Variants in DDX19B observed in about 807,000 individuals in gnomAD.
DDX19B encodes the protein DEAD-box helicase 19B, also known as ATP-dependent RNA helicase DDX19B.
In DDX19B, 27 loss-of-function variants were observed where a neutral mutation model predicts 58.1. The ratio of observed to expected loss-of-function variants is 0.46; its 90% CI spans 0.34 to 0.64. The LOEUF (loss-of-function observed/expected upper bound fraction) is 0.64. Ranked by LOEUF, DDX19B falls within the 30% of genes least tolerant of loss-of-function variation. The probability of loss-of-function intolerance (pLI) is 0.01; values close to 1 mark genes in which losing one functional copy is unlikely to be tolerated. For missense variants in DDX19B, 399 were observed against 596.5 expected (o/e 0.67, Z 3.45); for synonymous variants, 187 against 214.4 (o/e 0.87, Z 1.12).
intron 1 of DDX19B, 22 bp from the exon 2 acceptor site, chr16:70,312,587 C>T: frequency 6.2e-7 from 1 of 1,610,248 alleles, no homozygotes; most frequent in Non-Finnish European, 8.5e-7. Context: ...CACTTTCCCC[C>T]TCCCCCATAT....
intron 1 of DDX19B, among the ~76,000 whole-genome samples, chr16:70,312,224 CTT>C (rs560319281): frequency 6.1e-4 from 93 of 152,184 alleles, no homozygotes; most frequent in African/African-American, 1.3e-3. Context: ...TAAATTTCCT[CTT>C]GTTTGAAATA....
At chr16:70,328,725 ATGCTAGATC>A in intron 7 of DDX19B, among the ~76,000 whole-genome samples, 2 of 152,162 alleles carry the variant, frequency 1.3e-5, no homozygotes, top group Middle Eastern at 6.8e-3. Context: ...GTGCTATCAA[ATGCTAGATC>A]TTACTTATTT....
At chr16:70,295,540 C>T (rs1447205313), upstream of DDX19B, among the ~76,000 whole-genome samples, 2 of 151,688 alleles carry the variant, frequency 1.3e-5, no homozygotes, top group South Asian at 2.1e-4. Flanking sequence ...ATGCTAAAAT[C>T]GTGTACGGGA....
intron 3 of DDX19B, among the ~76,000 whole-genome samples, chr16:70,315,365 C>T (rs139630955): frequency 0.013 from 1,794 of 135,076 alleles, 30 homozygotes; most frequent in African/African-American, 0.047. Flanking sequence ...CTAGCCTGGG[C>T]GAAAGAGCGA....
rs1312774574 is a variant in DDX19B at position 70,312,621 on chromosome 16, C to T, written c.70C>T (p.His24Tyr). 5.6e-6 allele frequency: 9 copies of T among 1,613,084 alleles called. No homozygotes were observed. The highest frequency in any genetic ancestry group is 7.6e-6 in the Non-Finnish European group (9 of 1,179,406). ...ATTCTCCATTTAGTTGAGCAACTTGCATCTTAAGGAAGAGAAAATCAAACC... is the reference window on the plus strand; with the variant it reads ...ATTCTCCATTTAGTTGAGCAACTTGTATCTTAAGGAAGAGAAAATCAAACC... The part of the protein sequence containing the change: ...EAAAESLSNL[H>Y]LKEEKIKPDT... Residue 24 changes from histidine (H) to tyrosine (Y), a missense_variant, in exon 2 of 12, where the codon CAT becomes TAT. By Grantham distance (83) the His-to-Tyr change is moderately conservative (BLOSUM62 2). Transcript: ENST00000288071.
At chr16:70,317,620 T>C (rs1468027090) in intron 5 of DDX19B, 32 bp downstream of exon 5, 2 of 1,574,500 alleles carry the variant, frequency 1.3e-6, no homozygotes, top group South Asian at 1.1e-5. Flanking sequence ...CATTTCATTT[T>C]AGATTTTCTA....
chr16:70,331,810 A>G lies in DDX19B; in HGVS notation c.1112A>G (p.Gln371Arg). 1 of 1,614,204 alleles carries G rather than the reference A, an allele frequency of 6.2e-7. No individual in the cohort carries two copies. The highest frequency in any genetic ancestry group is 1.1e-5 in the South Asian group (1 of 91,086). Reference protein sequence around the residue: ...ALLSGEMMVEQRAAVIERFRE... With the variant: ...ALLSGEMMVERRAAVIERFRE... ...CTGAGTGGGGAGATGATGGTGGAAC[A>G]GAGGGCTGCAGTGATTGAGCGCTTC... Residue 371 changes from glutamine to arginine, a missense_variant, in exon 10 of 12, where the codon CAG becomes CGG. By Grantham distance (43) the Gln-to-Arg change is conservative. This residue lies in a region of DDX19B where 198 missense variants were observed against 345.9 expected (regional missense o/e 0.57). Coordinates refer to ENST00000288071, the MANE Select transcript of DDX19B (RefSeq NM_007242.7).
At chr16:70,315,072 C>A in intron 3 of DDX19B, 117 bp downstream of exon 3, 2 of 1,114,912 alleles carry the variant, frequency 1.8e-6, no homozygotes, top group Non-Finnish European at 2.6e-6. Flanking sequence ...CGATACAGTG[C>A]TAGCATAAAG....
At position 70,333,053 on chromosome 16, in the gene DDX19B, G is replaced by A; in HGVS notation, c.1272G>A (p.Leu424=). 6.2e-7 allele frequency: 1 copy of A among 1,611,570 alleles called. No homozygotes were observed. The highest frequency in any genetic ancestry group is 1.1e-5 in the South Asian group (1 of 90,902). ...GGAATCCTGACAATGAGACCTACCT[G>A]CACCGGATCGGGCGCACGGGCCGCT... ...KDGNPDNETY[L]HRIGRTGRFG... is the part of the protein sequence containing the mutation. The change falls in exon 11 of 12, where the codon CTG becomes CTA. Residue 424 remains leucine, a synonymous_variant. Transcript: ENST00000288071.
At position 70,333,394 on chromosome 16, in the gene DDX19B, A is replaced by C. The variant is rs571220390; in HGVS notation, c.1379-127A>C. The C allele has an allele frequency of 1.5e-3, 2,160 of 1,399,698 alleles. 2 individuals are homozygous for C. Among genetic ancestry groups the C allele is most frequent in the Admixed American group, 2.0e-3 (106 of 52,036 alleles). The allele number at this position is 1,399,698 out of a possible 1,614,324, so 86.7% of individuals were successfully genotyped here. ...GCGTGGGGCTCTGACTGTTGCTGTC[A>C]GTGACTAGGGGCCCTGCTGCCCCCT... On this transcript the variant is annotated intron_variant, in intron 11 of 11. Transcript: ENST00000288071.
intron 5 of DDX19B, among the ~76,000 whole-genome samples, chr16:70,321,683 A>T (rs1962825449): frequency 6.6e-6 from 1 of 152,238 alleles, no homozygotes; most frequent in South Asian, 2.1e-4. Flanking sequence ...ACTGAATAGT[A>T]CACTTAAAAG....
chr16:70,320,494 C>T (rs1962714502), intron 5 of DDX19B, among the ~76,000 whole-genome samples: 1 of 151,980 alleles, frequency 6.6e-6, no homozygotes, highest in African/African-American at 2.4e-5. Context: ...CCTCGGCCTC[C>T]CACCCAAGTA....
intron 2 of DDX19B, among the ~76,000 whole-genome samples, chr16:70,314,595 C>CA (rs1454852623): frequency 6.6e-6 from 1 of 151,986 alleles, no homozygotes; most frequent in Non-Finnish European, 1.5e-5. Context: ...ACCTGGGAGG[C>CA]AGAGCTTGTA....
Position 70,303,813 on chromosome 16 carries a change from C to T in DDX19B, c.57+4459C>T, listed in dbSNP as rs535167202. Among the ~76,000 whole-genome samples the T allele has an allele frequency of 1.5e-4, 23 of 152,260 alleles. 2 individuals carry two copies. Among genetic ancestry groups the T allele is most frequent in the African/African-American group, 5.3e-4 (22 of 41,562 alleles). On this transcript the variant is annotated intron_variant, in intron 1 of 11. Coordinates refer to ENST00000288071, the MANE Select transcript of DDX19B (RefSeq NM_007242.7). ...CGATCTTGGGATCCGCCCACCTCGG[C>T]CTCCCAAAGTGCTGGGATTACAGGC...
intron 1 of DDX19B, among the ~76,000 whole-genome samples, chr16:70,299,851 C>T (rs16970606): frequency 0.037 from 5,565 of 152,186 alleles, 155 homozygotes; most frequent in East Asian, 0.11. Context: ...TGTCTTTGCT[C>T]ATATTTGTGT....
chr16:70,308,116 C>T (rs1961865241), intron 1 of DDX19B, among the ~76,000 whole-genome samples: 1 of 151,450 alleles, frequency 6.6e-6, no homozygotes, highest in Non-Finnish European at 1.5e-5. Context: ...CCATGCCCAG[C>T]TAGTTTTTAT....
upstream of DDX19B, chr16:70,289,974 A>G: frequency 3.1e-6 from 1 of 326,836 alleles, no homozygotes; most frequent in South Asian, 2.3e-5. Context: ...GGAGACCTTG[A>G]ATTTGGTGTG....
At chr16:70,292,305 A>ATTTT (rs71387512), upstream of DDX19B, among the ~76,000 whole-genome samples, 1 of 150,940 alleles carries the variant, frequency 6.6e-6, no homozygotes, top group Admixed American at 6.6e-5. Flanking sequence ...ACGCCCAGTT[A>ATTTT]TTTTTTTTTC....
At chr16:70,316,927 C>G (rs1052067707) in intron 4 of DDX19B, among the ~76,000 whole-genome samples, 1 of 151,980 alleles carries the variant, frequency 6.6e-6, no homozygotes, top group Non-Finnish European at 1.5e-5. Flanking sequence ...AAAAATTAGT[C>G]CAGGCACGGT....
Sources: gnomAD v4.1 joint callset for allele counts (sites outside exome capture counted in the v4.1 genomes callset) on GRCh38, gnomAD v4.1.1 for gene constraint, gnomAD v4.1.1 regional missense constraint, MANE v1.5 for transcripts, NCBI Gene and HGNC (gene_info 2026-07-23, HGNC 2026-07-21) for gene names.